SDR42E1: variants seen among roughly 807,000 people sequenced by gnomAD.
SDR42E1 encodes short-chain dehydrogenase/reductase family 42E member 1.
In SDR42E1, 5 loss-of-function variants were observed where a neutral mutation model predicts 2.6. The ratio of observed to expected loss-of-function variants is 1.94; its 90% CI spans 1.01 to 4.08. The LOEUF is 4.08. SDR42E1 is among the 30% of genes most tolerant of loss of function. The pLI is 0.00. For missense variants in SDR42E1, 596 were observed against 478.6 expected (o/e 1.25, Z -2.29); for synonymous variants, 231 against 188.3 (o/e 1.23, Z -1.86).
Position 81,990,043 on chromosome 16 carries a change from G to C in SDR42E1, c.*9068C>G, listed in dbSNP as rs923487294. The C allele has an allele frequency of 1.3e-5, 2 of 152,520 alleles. No individual in the cohort carries two copies. The highest frequency in any genetic ancestry group is 2.9e-5 in the Non-Finnish European group (2 of 68,332). 9.4% of individuals were successfully genotyped at this position (152,520 alleles called of 1,614,324 possible). A position where few individuals can be genotyped will look rare whatever the true frequency, so the allele number is the denominator to read the frequency against. Reference sequence around the variant, plus strand: ...AAAAACATGGTAGGCTGGGCACGGTGGCTCATTCCTGTAATCTCACCACTT... The same window carrying C: ...AAAAACATGGTAGGCTGGGCACGGTCGCTCATTCCTGTAATCTCACCACTT... On this transcript the variant is annotated 3_prime_UTR_variant, in exon 3 of 3. Coordinates refer to ENST00000328945, the MANE Select transcript of SDR42E1 (RefSeq NM_145168.3).
intron 1 of SDR42E1, among the ~76,000 whole-genome samples, chr16:82,007,350 A>G (rs562784061): frequency 6.6e-6 from 1 of 152,338 alleles, no homozygotes; most frequent in South Asian, 2.1e-4. Flanking sequence ...AATTGAAGTA[A>G]TATCAACTGC....
Position 81,994,150 on chromosome 16 carries a change from C to T in SDR42E1, c.*4961G>A, listed in dbSNP as rs775592914. 5 of 152,192 alleles carry T rather than the reference C, an allele frequency of 3.3e-5. No individual in the cohort carries two copies. The highest frequency in any genetic ancestry group is 6.5e-5 in the Admixed American group (1 of 15,276). The allele number at this position is 152,192 out of a possible 1,614,324, so 9.4% of individuals were successfully genotyped here. On this transcript the variant is annotated 3_prime_UTR_variant, in exon 3 of 3. Transcript: ENST00000328945. ...GAAAAGAAAGTGAACTGAAGACTCA[C>T]GTGAGAGGACGATCTGGAATGATGA...
Position 82,000,092 on chromosome 16 carries a change from G to GCCT in SDR42E1, c.200_201insAGG (p.Ala67_Phe68insGly), listed in dbSNP as rs779027858. The GCCT allele has an allele frequency of 6.2e-7, 1 of 1,614,196 alleles. No homozygotes were observed. The highest frequency in any genetic ancestry group is 2.2e-5 in the East Asian group (1 of 44,864). ...CACAAGTGACGTCTGCATCCTGGAA[G>GCCT]GCTTTCTCTACGTCAGACAGGTGGC... is the stretch of plus-strand genomic sequence containing the variant. On this transcript the variant is annotated inframe_insertion, in exon 3 of 3. Coordinates refer to ENST00000328945, the MANE Select transcript of SDR42E1 (RefSeq NM_145168.3).
intron 2 of SDR42E1, 44 bp from the exon 3 acceptor site, chr16:82,000,268 C>T: frequency 6.3e-7 from 1 of 1,599,116 alleles, no homozygotes; most frequent in Non-Finnish European, 8.5e-7. Flanking sequence ...CACTCTTAAG[C>T]TGTGCCTAGG....
intron 1 of SDR42E1, among the ~76,000 whole-genome samples, chr16:82,005,270 C>T (rs1912896668): frequency 2.0e-5 from 3 of 152,234 alleles, no homozygotes; most frequent in Admixed American, 1.3e-4. Context: ...GATGCTACTC[C>T]ATTACCTTCC....
At chr16:82,010,492 G>C (rs1324363066) in intron 1 of SDR42E1, among the ~76,000 whole-genome samples, 4 of 152,194 alleles carry the variant, frequency 2.6e-5, no homozygotes, top group African/African-American at 9.6e-5. Flanking sequence ...AAAGGGAAAA[G>C]TCAAGCTGAG....
chr16:82,003,849 C>T (rs963155314), intron 1 of SDR42E1, among the ~76,000 whole-genome samples: 1 of 152,202 alleles, frequency 6.6e-6, no homozygotes. Context: ...GAATCCAGAA[C>T]ATAGTAGATG....
rs1912405340 is a variant in SDR42E1, at chr16:81,990,638, AG to A, written c.*8472del. ...TCCATACAAGTTCCCCCAAGAGATA[AG>A]CAGGGAATGTTTTATCTCCACTTTA... On this transcript the variant is annotated 3_prime_UTR_variant, in exon 3 of 3. Transcript: ENST00000328945. 6.6e-6 allele frequency: 1 copy of A among 152,258 alleles called. No individual in the cohort carries two copies. Among genetic ancestry groups the A allele is most frequent in the Non-Finnish European group, 1.5e-5 (1 of 68,062 alleles). The allele number at this position is 152,258 out of a possible 1,614,324, so 9.4% of individuals were successfully genotyped here.
At chr16:82,007,766 A>C (rs188146092) in intron 1 of SDR42E1, 6 of 152,306 alleles carry the variant, frequency 3.9e-5, no homozygotes, top group African/African-American at 1.4e-4. Flanking sequence ...GCACTGATGA[A>C]GGGTTAAGAC....
rs1022927640 is a variant in SDR42E1, at chr16:81,990,615, C to T, written c.*8496G>A. The T allele has an allele frequency of 1.3e-5, 2 of 152,150 alleles. No individual in the cohort carries two copies. The highest frequency in any genetic ancestry group is 4.8e-5 in the African/African-American group (2 of 41,424). 9.4% of individuals were successfully genotyped at this position (152,150 alleles called of 1,614,324 possible). ...CAAAAGGCCTCTGTGCCATTAAATCCATACAAGTTCCCCCAAGAGATAAGC... is the reference window on the plus strand; with the variant it reads ...CAAAAGGCCTCTGTGCCATTAAATCTATACAAGTTCCCCCAAGAGATAAGC... On this transcript the variant is annotated 3_prime_UTR_variant, in exon 3 of 3. Transcript: ENST00000328945.
At chr16:82,010,516 A>C (rs1216997858) in intron 1 of SDR42E1, among the ~76,000 whole-genome samples, 2 of 152,216 alleles carry the variant, frequency 1.3e-5, no homozygotes, top group African/African-American at 4.8e-5. Context: ...TGCTTAGGGC[A>C]AACCTGCCTC....
rs1912530708 is a variant in SDR42E1 at position 81,995,884 on chromosome 16, G to C, written c.*3227C>G. 1 of 152,244 alleles carries C rather than the reference G, an allele frequency of 6.6e-6. No individual in the cohort carries two copies. The highest frequency in any genetic ancestry group is 1.5e-5 in the Non-Finnish European group (1 of 68,042). 9.4% of individuals were successfully genotyped at this position (152,244 alleles called of 1,614,324 possible). On this transcript the variant is annotated 3_prime_UTR_variant, in exon 3 of 3. Coordinates refer to ENST00000328945, the MANE Select transcript of SDR42E1 (RefSeq NM_145168.3). ...CTATAAAAGAAAGGCAGGAAGCTAT[G>C]ACAGGCCTGTAGCATCATTTGTAGC...
chr16:82,010,594 A>T lies in SDR42E1; in HGVS notation c.-27+793T>A, dbSNP rs114734203. 2.6e-3 allele frequency among the ~76,000 whole-genome samples: 390 copies of T among 152,298 alleles called. 2 individuals are homozygous for T. Among genetic ancestry groups the T allele is most frequent in the African/African-American group, 9.1e-3 (378 of 41,568 alleles). ...TCTGATTGCTTCCTTTGGAGAGGCTAATCAAACTCAAAATAATGCAACCAT... is the reference window on the plus strand; with the variant it reads ...TCTGATTGCTTCCTTTGGAGAGGCTTATCAAACTCAAAATAATGCAACCAT... On this transcript the variant is annotated intron_variant, in intron 1 of 2. Coordinates refer to ENST00000328945, the MANE Select transcript of SDR42E1 (RefSeq NM_145168.3).
rs374909800 is a variant in SDR42E1, at chr16:81,999,838, T to C, written c.455A>G (p.Tyr152Cys). The stretch of plus-strand genomic sequence containing the variant: ...CTCTGCAATTGACTTTGTCCGAGAG[T>C]AGTGATCAGGGTGGAGGTGAAGAGG... Reference protein sequence around the residue: ...YLPLHLHPDHYSRTKSIAEQK... With the variant: ...YLPLHLHPDHCSRTKSIAEQK... Residue 152 changes from tyrosine to cysteine, a missense_variant, in exon 3 of 3, where the codon TAC becomes TGC. By Grantham distance (194) the Tyr-to-Cys change is radical. Coordinates refer to ENST00000328945, the MANE Select transcript of SDR42E1 (RefSeq NM_145168.3). The C allele has an allele frequency of 1.9e-6, 3 of 1,613,840 alleles. No homozygotes were observed. Among genetic ancestry groups the C allele is most frequent in the African/African-American group, 1.3e-5 (1 of 74,834 alleles).
At chr16:82,005,089 A>G (rs187869070) in intron 1 of SDR42E1, among the ~76,000 whole-genome samples, 136 of 152,386 alleles carry the variant, frequency 8.9e-4, no homozygotes, top group African/African-American at 3.0e-3. Flanking sequence ...CAAAAGCCCA[A>G]TTAAAACATT....
intron 1 of SDR42E1, among the ~76,000 whole-genome samples, chr16:82,008,857 C>T (rs1162458706): frequency 6.6e-6 from 1 of 152,132 alleles, no homozygotes; most frequent in Non-Finnish European, 1.5e-5. Context: ...TCTTGGCAGC[C>T]CCTCCTACCA....
chr16:81,998,882 G>T lies in SDR42E1; in HGVS notation c.*229C>A. ...ACTTCTATTGTACCCACCTAAAACA[G>T]AAGCACATAACAAATCAAATTTCAA... On this transcript the variant is annotated 3_prime_UTR_variant, in exon 3 of 3. Coordinates refer to ENST00000328945, the MANE Select transcript of SDR42E1 (RefSeq NM_145168.3). 1.8e-6 allele frequency: 1 copy of T among 564,808 alleles called. No individual in the cohort carries two copies. The highest frequency in any genetic ancestry group is 2.3e-5 in the South Asian group (1 of 43,532). The allele number at this position is 564,808 out of a possible 1,614,324, so 35.0% of individuals were successfully genotyped here.
In SDR42E1 at chr16:81,992,358, G is replaced by C. The variant is rs1912447126; in HGVS notation, c.*6753C>G. On this transcript the variant is annotated 3_prime_UTR_variant, in exon 3 of 3. Coordinates refer to ENST00000328945, the MANE Select transcript of SDR42E1 (RefSeq NM_145168.3). ...ACAGGACTATAAATCAGTGGAGTGG[G>C]GGTGTTGTAATTGCCCAGCAATGTG... 1 of 152,106 alleles carries C rather than the reference G, an allele frequency of 6.6e-6. No homozygotes were observed. Among genetic ancestry groups the C allele is most frequent in the Non-Finnish European group, 1.5e-5 (1 of 68,028 alleles). The allele number at this position is 152,106 out of a possible 1,614,324, so 9.4% of individuals were successfully genotyped here. A position where few individuals can be genotyped will look rare whatever the true frequency, so the allele number is the denominator to read the frequency against.
Position 81,990,944 on chromosome 16 carries a change from C to T in SDR42E1, c.*8167G>A, listed in dbSNP as rs1185808121. On this transcript the variant is annotated 3_prime_UTR_variant, in exon 3 of 3. Coordinates refer to ENST00000328945, the MANE Select transcript of SDR42E1 (RefSeq NM_145168.3). ...GCTGGACTTTGCATTTTCATTACTT[C>T]GAAAGATTTTTATTAGGTCTGTGCT... 5 of 152,246 alleles carry T rather than the reference C, an allele frequency of 3.3e-5. No individual in the cohort carries two copies. Among genetic ancestry groups the T allele is most frequent in the South Asian group, 2.1e-4 (1 of 4,816 alleles). The allele number at this position is 152,246 out of a possible 1,614,324, so 9.4% of individuals were successfully genotyped here. A position where few individuals can be genotyped will look rare whatever the true frequency, so the allele number is the denominator to read the frequency against.
Sources: gnomAD v4.1 joint callset for allele counts (sites outside exome capture counted in the v4.1 genomes callset) on GRCh38, gnomAD v4.1.1 for gene constraint, MANE v1.5 for transcripts, NCBI Gene and HGNC (gene_info 2026-07-23, HGNC 2026-07-21) for gene names.